EZR: variants seen among roughly 807,000 people sequenced by gnomAD.
EZR encodes the protein ezrin, also known as cytovillin 2.
EZR carries 40 observed loss-of-function variants against 74.8 expected under a neutral mutation model. That is an observed-to-expected ratio of 0.53 (90% CI 0.42 to 0.70). EZR has a LOEUF of 0.70. Among genes scored for constraint, EZR ranks in the 30% least tolerant of loss-of-function variants. The pLI, the probability that EZR is intolerant of heterozygous loss-of-function variation, is 0.00. For missense variants in EZR, 678 were observed against 755.8 expected, an observed-to-expected ratio of 0.90 and a Z score of 1.21; for synonymous variants, 341 against 283.3, an observed-to-expected ratio of 1.20 and a Z score of -2.05.
At chr6:158,818,593 AGGGG>A (rs1312809669) in intron 1 of EZR, among the ~76,000 whole-genome samples, 5 of 79,556 alleles carry the variant, frequency 6.3e-5, no homozygotes, top group African/African-American at 2.5e-4. Context: ...CAGGAGGGTC[AGGGG>A]AGAGAGCGCC....
chr6:158,791,799 C>T (rs955289049), intron 2 of EZR, among the ~76,000 whole-genome samples: 2 of 148,920 alleles, frequency 1.3e-5, no homozygotes, highest in Admixed American at 1.4e-4. Flanking sequence ...AGCTCCGCCT[C>T]CCAGGTTCCT....
intron 2 of EZR, among the ~76,000 whole-genome samples, chr6:158,812,516 T>C (rs1777471582): frequency 6.6e-6 from 1 of 152,118 alleles, no homozygotes; most frequent in South Asian, 2.1e-4. Context: ...CTGCACTAAA[T>C]TAACCCTTCC....
At chr6:158,769,005 C>T (rs1026946323) in intron 12 of EZR, among the ~76,000 whole-genome samples, 3 of 152,150 alleles carry the variant, frequency 2.0e-5, no homozygotes, top group Non-Finnish European at 2.9e-5. Context: ...AGTTCCTGAC[C>T]GGGGGCTGTC....
chr6:158,806,806 G>A (rs1777349875), intron 2 of EZR, among the ~76,000 whole-genome samples: 1 of 152,204 alleles, frequency 6.6e-6, no homozygotes, highest in East Asian at 1.9e-4. Flanking sequence ...ATCCATTTAA[G>A]AGTCTCACCC....
intron 1 of EZR, 170 bp from the exon 2 acceptor site, chr6:158,818,336 G>T (rs1016913540): frequency 1.7e-5 from 4 of 240,570 alleles, no homozygotes; most frequent in Admixed American, 5.7e-5. Flanking sequence ...GCACGGGCGG[G>T]GCGGGGCCGG....
Position 158,767,479 on chromosome 6 carries a change from T to G in EZR, c.1378A>C (p.Lys460Gln). 3.7e-6 allele frequency: 6 copies of G among 1,608,370 alleles called. No homozygotes were observed. The highest frequency in any genetic ancestry group is 5.1e-6 in the Non-Finnish European group (6 of 1,176,256). ...KEAQDDLVKT[K>Q]EELHLVMTAP... ...GTCATCACCAGGTGCAGCTCCTCCT[T>G]GGTCTTCACCAGGTCATCCTGGGCT... is the stretch of plus-strand genomic sequence containing the variant. The change falls in exon 13 of 14, where the codon AAG (lysine) becomes CAG (glutamine). Residue 460 changes from lysine to glutamine, a missense_variant. Physicochemically the swap from Lys to Gln is moderately conservative, Grantham distance 53. Around this residue, in one of 3 missense-constraint regions of EZR, gnomAD observed 342 missense variants for 341.2 expected, o/e 1.00. Coordinates refer to ENST00000367075, the MANE Select transcript of EZR (RefSeq NM_001111077.2).
intron 2 of EZR, among the ~76,000 whole-genome samples, chr6:158,808,385 G>A (rs758552606): frequency 3.3e-5 from 5 of 152,168 alleles, no homozygotes; most frequent in Non-Finnish European, 7.3e-5. Context: ...CAATAAACCT[G>A]ATGCTATCCC....
chr6:158,785,999 T>TA (rs1791570834), intron 4 of EZR, among the ~76,000 whole-genome samples: 1 of 152,008 alleles, frequency 6.6e-6, no homozygotes, highest in Non-Finnish European at 1.5e-5. Flanking sequence ...TGCAGTGAGC[T>TA]ATGATGGCGC....
At chr6:158,781,754 C>CT (rs1791439049) in intron 7 of EZR, among the ~76,000 whole-genome samples, 1 of 70,498 alleles carries the variant, frequency 1.4e-5, no homozygotes, top group Non-Finnish European at 3.1e-5. Flanking sequence ...CAAGTACCCA[C>CT]TTTCCCCACT....
chr6:158,784,827 CA>C, intron 5 of EZR, 100 bp from the exon 6 acceptor site: 1 of 903,034 alleles, frequency 1.1e-6, no homozygotes, highest in African/African-American at 1.6e-5. Flanking sequence ...ACTTTCCATT[CA>C]AATCAATCAA....
intron 2 of EZR, among the ~76,000 whole-genome samples, chr6:158,805,132 G>C (rs926393223): frequency 2.0e-5 from 3 of 151,972 alleles, no homozygotes; most frequent in African/African-American, 7.3e-5. Context: ...CACGAGGTCA[G>C]GCGACCAAGA....
At position 158,766,686 on chromosome 6, in the gene EZR, TCGAGAATAATCG is replaced by T. The variant is rs2128563062; in HGVS notation, c.*216_*227del. ...CTCCCAGCACAACACAGGAGGTGAT[TCGAGAATAATCG>T]CGAGAATCAGGCCTGCTTGGCACTA... On this transcript the variant is annotated 3_prime_UTR_variant, in exon 14 of 14. Coordinates refer to ENST00000367075, the MANE Select transcript of EZR (RefSeq NM_001111077.2). 1.8e-6 allele frequency: 1 copy of T among 570,852 alleles called. No homozygotes were observed. Among genetic ancestry groups the T allele is most frequent in the South Asian group, 2.1e-5 (1 of 46,948 alleles). The allele number at this position is 570,852 out of a possible 1,614,324, so 35.4% of individuals were successfully genotyped here.
At chr6:158,783,197 A>G (rs1244189054) in intron 7 of EZR, among the ~76,000 whole-genome samples, 3 of 151,000 alleles carry the variant, frequency 2.0e-5, no homozygotes, top group Non-Finnish European at 4.4e-5. Context: ...GTAGCTATGG[A>G]TGGATGTGCT....
intron 7 of EZR, among the ~76,000 whole-genome samples, chr6:158,781,168 C>T (rs2128568946): frequency 6.6e-6 from 1 of 152,270 alleles, no homozygotes; most frequent in East Asian, 1.9e-4. Flanking sequence ...CTCAGCACTC[C>T]TCAGACTTCA....
chr6:158,785,253 T>TCC (rs778082919), intron 5 of EZR, 56 bp downstream of exon 5: 25 of 1,594,592 alleles, frequency 1.6e-5, no homozygotes, highest in African/African-American at 2.7e-5. Flanking sequence ...CAATCACTTC[T>TCC]CCCTGCCGAG....
chr6:158,766,794 C>CTTTCTAAAGGAACTGGGATCTGAGGGAGT lies in EZR; in HGVS notation c.*91_*119dup. 1 of 1,049,270 alleles carries CTTTCTAAAGGAACTGGGATCTGAGGGAGT rather than the reference C, an allele frequency of 9.5e-7. No homozygotes were observed. The highest frequency in any genetic ancestry group is 1.5e-5 in the South Asian group (1 of 65,888). The allele number at this position is 1,049,270 out of a possible 1,614,324, so 65.0% of individuals were successfully genotyped here. On this transcript the variant is annotated 3_prime_UTR_variant, in exon 14 of 14. Transcript: ENST00000367075. ...CCAGAATGTTTCTGTTGGGTAACTGCTTTCTAAAGGAACTGGGATCTGAGG... is the reference window on the plus strand; with the variant it reads ...CCAGAATGTTTCTGTTGGGTAACTGCTTTCTAAAGGAACTGGGATCTGAGGGAGTTTTCTAAAGGAACTGGGATCTGAGG...
intron 2 of EZR, among the ~76,000 whole-genome samples, chr6:158,817,294 A>G (rs1777578430): frequency 6.6e-6 from 1 of 152,318 alleles, no homozygotes; most frequent in South Asian, 2.1e-4. Context: ...AATACATACA[A>G]CTTTCTAAGA....
In EZR at chr6:158,770,713, T is replaced by A. The variant is rs1001101679; in HGVS notation, c.1090+51A>T. On this transcript the variant is annotated intron_variant, in intron 10 of 13. Coordinates refer to ENST00000367075, the MANE Select transcript of EZR (RefSeq NM_001111077.2). ...GGTGGGTGGGTGTGGCCCCTGCTAC[T>A]CTGTGGAAATGCATGACCCAGTGTA... 5 of 1,611,664 alleles carry A rather than the reference T, an allele frequency of 3.1e-6. No homozygotes were observed. In the Admixed American group the frequency reaches 8.3e-5, roughly 27 times the overall value.
intron 2 of EZR, 165 bp downstream of exon 2, chr6:158,817,917 G>A (rs1777594705): frequency 7.4e-6 from 4 of 541,602 alleles, no homozygotes; most frequent in Admixed American, 6.2e-5. Context: ...CCACAAAAGG[G>A]TCAACAAGTA....
Sources: allele counts gnomAD v4.1 joint callset (sites outside exome capture counted in the v4.1 genomes callset), GRCh38; gene constraint gnomAD v4.1.1; regional missense constraint gnomAD v4.1.1; transcripts MANE v1.5; gene names NCBI Gene and HGNC (gene_info 2026-07-23, HGNC 2026-07-21).